The following GALK2 variants were observed in gnomAD, a reference collection of about 807,000 sequenced individuals.
GALK2 encodes galactokinase 2.
In GALK2, 36 loss-of-function variants were observed where a neutral mutation model predicts 52.4. The ratio of observed to expected loss-of-function variants is 0.69; its 90% CI spans 0.53 to 0.91. The LOEUF (loss-of-function observed/expected upper bound fraction) is 0.91. Ranked by LOEUF, GALK2 falls within the 40% of genes least tolerant of loss-of-function variation. GALK2 has a pLI of 0.00. For missense variants in GALK2, 579 were observed against 559.1 expected, an observed-to-expected ratio of 1.04 and a Z score of -0.36; for synonymous variants, 176 against 199.1, an observed-to-expected ratio of 0.88 and a Z score of 0.98.
chr15:49,313,256 T>C (rs1398758369), intron 8 of GALK2, among the ~76,000 whole-genome samples: 1 of 152,178 alleles, frequency 6.6e-6, no homozygotes, highest in African/African-American at 2.4e-5. Flanking sequence ...TATAAAGACA[T>C]TTGAGTCAAG....
intron 3 of GALK2, among the ~76,000 whole-genome samples, chr15:49,220,078 T>TTTTTTTTTA (rs2089680708): frequency 2.0e-5 from 3 of 149,064 alleles, no homozygotes; most frequent in Non-Finnish European, 3.0e-5. Context: ...TTTTTTTTTT[T>TTTTTTTTTA]GAGACAGAGT....
chr15:49,236,047 G>A (rs535246968), intron 4 of GALK2, 106 bp downstream of exon 4: 10 of 721,380 alleles, frequency 1.4e-5, no homozygotes, highest in South Asian at 8.6e-5. Context: ...AGTACTAACC[G>A]ATGCTTCTGT....
At chr15:49,341,691 A>C (rs2040753603) in intron 3 of GALK2, among the ~76,000 whole-genome samples, 1 of 152,144 alleles carries the variant, frequency 6.6e-6, no homozygotes, top group Admixed American at 6.5e-5. Flanking sequence ...TTAGTGCTAT[A>C]AACTTTTGTC....
At chr15:49,341,237 TGGCTATTTG>T (rs1221614706) in intron 3 of GALK2, among the ~76,000 whole-genome samples, 1 of 152,188 alleles carries the variant, frequency 6.6e-6, no homozygotes, top group East Asian at 1.9e-4. Flanking sequence ...GGATTTTTTT[TGGCTATTTG>T]GGCTGTTTTG....
At chr15:49,335,784 G>A (rs2039603313), downstream of GALK2, among the ~76,000 whole-genome samples, 1 of 152,114 alleles carries the variant, frequency 6.6e-6, no homozygotes, top group South Asian at 2.1e-4. Flanking sequence ...TGTTTTAAAA[G>A]CAGCAACTTG....
intron 9 of GALK2, among the ~76,000 whole-genome samples, chr15:49,325,578 G>A (rs1365447672): frequency 6.6e-6 from 1 of 152,238 alleles, no homozygotes; most frequent in African/African-American, 2.4e-5. Flanking sequence ...AGGGAACACT[G>A]CAGACAGACC....
chr15:49,248,778 A>G (rs2091466071), intron 5 of GALK2, among the ~76,000 whole-genome samples: 1 of 152,106 alleles, frequency 6.6e-6, no homozygotes, highest in Non-Finnish European at 1.5e-5. Flanking sequence ...TGTTTGGGTC[A>G]CTTCTGGGTT....
intron 3 of GALK2, among the ~76,000 whole-genome samples, chr15:49,346,020 C>A (rs1030246096): frequency 1.3e-5 from 2 of 151,546 alleles, no homozygotes; most frequent in Non-Finnish European, 2.9e-5. Flanking sequence ...GGTCTGCCTG[C>A]CCTGCTTGCT....
intron 5 of GALK2, among the ~76,000 whole-genome samples, chr15:49,258,602 A>G (rs1446617898): frequency 1.3e-5 from 2 of 152,100 alleles, no homozygotes; most frequent in Admixed American, 1.3e-4. Flanking sequence ...ATGATGTAAT[A>G]GAGCAGAGAG....
At chr15:49,236,227 T>A (rs1473855375) in intron 4 of GALK2, among the ~76,000 whole-genome samples, 1 of 152,224 alleles carries the variant, frequency 6.6e-6, no homozygotes, top group East Asian at 1.9e-4. Context: ...TTTGAGGATA[T>A]GTTTTAATAC....
At chr15:49,170,426 T>A in intron 1 of GALK2, 51 bp downstream of exon 1, 1 of 1,542,670 alleles carries the variant, frequency 6.5e-7, no homozygotes, top group South Asian at 1.2e-5. Flanking sequence ...TGGCTACGTG[T>A]AGATCGGGTC....
Position 49,318,848 on chromosome 15 carries a change from C to A in GALK2, c.968-756C>A, listed in dbSNP as rs73394386. ...TCTGGATGTGTGTCCTTAAGCATGTCACTTCACTCTATTGAGCCTCCTTCT... is the reference window on the plus strand; with the variant it reads ...TCTGGATGTGTGTCCTTAAGCATGTAACTTCACTCTATTGAGCCTCCTTCT... On this transcript the variant is annotated intron_variant, in intron 8 of 9. Transcript: ENST00000560031. 4.2e-3 allele frequency: 1,765 copies of A among 423,814 alleles called. 24 individuals carry two copies. The highest frequency in any genetic ancestry group is 0.035 in the African/African-American group (1,655 of 47,524). 26.3% of individuals were successfully genotyped at this position (423,814 alleles called of 1,614,324 possible). A position where few individuals can be genotyped will look rare whatever the true frequency, so the allele number is the denominator to read the frequency against.
Position 49,299,747 on chromosome 15 carries a change from C to CT in GALK2, c.967+7213dup, listed in dbSNP as rs1162287772. On this transcript the variant is annotated intron_variant, in intron 8 of 9. Coordinates refer to ENST00000560031, the MANE Select transcript of GALK2 (RefSeq NM_002044.4). ...CTTTCTTTCTTTCTTTTCTTTCTTT[C>CT]TTTCTTTCTTTCTTTCTTTCTTTCT... is the stretch of plus-strand genomic sequence containing the variant. 2.5e-4 allele frequency among the ~76,000 whole-genome samples: 30 copies of CT among 121,662 alleles called. 1 individual carries two copies. Among genetic ancestry groups the CT allele is most frequent in the Middle Eastern group, 4.0e-3 (1 of 250 alleles). 79.8% of individuals were successfully genotyped at this position (121,662 alleles called of 152,430 possible). A position where few individuals can be genotyped will look rare whatever the true frequency, so the allele number is the denominator to read the frequency against.
Position 49,262,051 on chromosome 15 carries a change from C to T in GALK2, c.505-19936C>T, listed in dbSNP as rs539754897. 5.9e-5 allele frequency among the ~76,000 whole-genome samples: 9 copies of T among 152,180 alleles called. No individual in the cohort carries two copies. In the East Asian group the frequency reaches 7.7e-4, roughly 13 times the overall value. The stretch of plus-strand genomic sequence containing the variant: ...TCTCTTTTTTGGTTGTGTCTCTGCC[C>T]GGCTTTGACATCAGGATGATGCTGG... On this transcript the variant is annotated intron_variant, in intron 5 of 9. Coordinates refer to ENST00000560031, the MANE Select transcript of GALK2 (RefSeq NM_002044.4).
chr15:49,267,541 G>C (rs944626882), intron 5 of GALK2, among the ~76,000 whole-genome samples: 1 of 152,166 alleles, frequency 6.6e-6, no homozygotes, highest in Non-Finnish European at 1.5e-5. Flanking sequence ...AATGGCAGCA[G>C]TGTTTCTAGT....
At chr15:49,293,186 T>C (rs1419459694) in intron 8 of GALK2, among the ~76,000 whole-genome samples, 1 of 152,190 alleles carries the variant, frequency 6.6e-6, no homozygotes, top group East Asian at 1.9e-4. Context: ...AGGAGATTAA[T>C]ACAAACATCA....
intron 3 of GALK2, among the ~76,000 whole-genome samples, chr15:49,343,085 AG>A (rs990128208): frequency 2.0e-5 from 3 of 152,156 alleles, no homozygotes; most frequent in African/African-American, 7.2e-5. Flanking sequence ...TAACAAGATT[AG>A]GGACACTTTT....
chr15:49,166,883 G>A (rs930367617), upstream of GALK2, among the ~76,000 whole-genome samples: 1 of 152,168 alleles, frequency 6.6e-6, no homozygotes, highest in Non-Finnish European at 1.5e-5. Flanking sequence ...ATTTTCCAGA[G>A]GTTGCACAAA....
At chr15:49,269,936 C>T (rs2030162175) in intron 5 of GALK2, among the ~76,000 whole-genome samples, 1 of 152,224 alleles carries the variant, frequency 6.6e-6, no homozygotes, top group Non-Finnish European at 1.5e-5. Flanking sequence ...GCTTGTGCGT[C>T]CTCTTATTCT....
Sources: gnomAD v4.1 joint callset for allele counts (sites outside exome capture counted in the v4.1 genomes callset) on GRCh38, gnomAD v4.1.1 for gene constraint, MANE v1.5 for transcripts, NCBI Gene and HGNC (gene_info 2026-07-23, HGNC 2026-07-21) for gene names.